The following CDC27 variants were observed in gnomAD, a reference collection of about 807,000 sequenced individuals.
The protein encoded by CDC27 is cell division cycle 27, also known as cell division cycle protein 27 homolog.
In CDC27, 27 loss-of-function variants were observed where a neutral mutation model predicts 109.7. The observed-to-expected ratio is 0.25, with a 90% CI of 0.18 to 0.34. The LOEUF is 0.34. Among genes scored for constraint, CDC27 ranks in the 10% least tolerant of loss-of-function variants. The pLI is 1.00. For synonymous variants in CDC27, 266 were observed against 333.9 expected (o/e 0.80, Z 2.22); for missense variants, 579 against 960.2 (o/e 0.60, Z 5.25).
chr17:47,176,215 G>A (rs2064000038), intron 2 of CDC27, among the ~76,000 whole-genome samples: 1 of 152,012 alleles, frequency 6.6e-6, no homozygotes, highest in Non-Finnish European at 1.5e-5. Flanking sequence ...ACATGCTCAA[G>A]TAATTCTATT....
chr17:47,143,749 G>T (rs1424820337), intron 10 of CDC27, 134 bp downstream of exon 10: 1 of 323,908 alleles, frequency 3.1e-6, no homozygotes, highest in Non-Finnish European at 5.6e-6. Flanking sequence ...ATCATAGATG[G>T]CCCTCTAAAT....
intron 7 of CDC27, 164 bp from the exon 8 acceptor site, chr17:47,154,950 T>A (rs2063257560): frequency 2.3e-6 from 1 of 438,064 alleles, no homozygotes; most frequent in Non-Finnish European, 4.0e-6. Flanking sequence ...TGTAGACTAT[T>A]CCACCCACCA....
chr17:47,140,434 G>C (rs2062760193), intron 12 of CDC27, among the ~76,000 whole-genome samples: 1 of 152,086 alleles, frequency 6.6e-6, no homozygotes, highest in Non-Finnish European at 1.5e-5. Context: ...TTCAGGCATG[G>C]TAACAAGATA....
chr17:47,174,724 G>A (rs1165925250), intron 2 of CDC27, among the ~76,000 whole-genome samples: 3 of 152,192 alleles, frequency 2.0e-5, no homozygotes, highest in African/African-American at 4.8e-5. Flanking sequence ...GGGAGGCCGA[G>A]GCAGGTGGAT....
intron 4 of CDC27, among the ~76,000 whole-genome samples, chr17:47,164,871 T>C (rs1944691798): frequency 6.6e-6 from 1 of 152,138 alleles, no homozygotes; most frequent in Middle Eastern, 3.2e-3. Flanking sequence ...TTATTTGAAT[T>C]TTAGCAGTTT....
chr17:47,122,332 T>C (rs2062005048), intron 18 of CDC27, 112 bp downstream of exon 18: 5 of 684,780 alleles, frequency 7.3e-6, no homozygotes, highest in Non-Finnish European at 9.1e-6. Flanking sequence ...TAAAAGTCCA[T>C]TTGGTATAAT....
chr17:47,121,124 CTAAA>C (rs2061972139), intron 18 of CDC27, 107 bp from the exon 19 acceptor site: 1 of 719,528 alleles, frequency 1.4e-6, no homozygotes. Flanking sequence ...AGATAAAACC[CTAAA>C]TAAAGGCCCT....
rs200176916 is a variant in CDC27, at chr17:47,158,200, A to C, written c.475+6T>G. The stretch of plus-strand genomic sequence containing the variant: ...ACCCACCCACCTCTCAACCCCACCC[A>C]CCTACCTATTTCACATAATGATTCA... On this transcript the variant is annotated splice_donor_region_variant and intron_variant, in intron 5 of 18. Coordinates refer to ENST00000066544, the MANE Select transcript of CDC27 (RefSeq NM_001256.6). The C allele has an allele frequency of 1.4e-6, 2 of 1,413,934 alleles. No homozygotes were observed. 87.6% of individuals were successfully genotyped at this position (1,413,934 alleles called of 1,614,324 possible).
At chr17:47,146,513 C>G (rs1054857849) in intron 9 of CDC27, among the ~76,000 whole-genome samples, 3 of 152,192 alleles carry the variant, frequency 2.0e-5, no homozygotes, top group Non-Finnish European at 2.9e-5. Context: ...CTGGATCTCA[C>G]TCCAAGCTGG....
intron 13 of CDC27, 55 bp downstream of exon 13, chr17:47,138,684 T>C: frequency 8.1e-7 from 1 of 1,233,426 alleles, no homozygotes; most frequent in Non-Finnish European, 1.2e-6. Flanking sequence ...CATCTCTATC[T>C]GTTGAGGGTG....
chr17:47,143,303 T>C (rs1307695286), intron 10 of CDC27, among the ~76,000 whole-genome samples: 1 of 152,238 alleles, frequency 6.6e-6, no homozygotes, highest in Non-Finnish European at 1.5e-5. Context: ...CAAATAATTT[T>C]AGACTCACTC....
At chr17:47,126,967 T>C (rs1190006784) in intron 16 of CDC27, among the ~76,000 whole-genome samples, 1 of 152,082 alleles carries the variant, frequency 6.6e-6, no homozygotes, top group African/African-American at 2.4e-5. Flanking sequence ...CTAATTTTTG[T>C]ATTTTCAGTA....
intron 16 of CDC27, among the ~76,000 whole-genome samples, chr17:47,127,174 A>T (rs1269827688): frequency 2.0e-5 from 3 of 152,276 alleles, no homozygotes; most frequent in South Asian, 2.1e-4. Flanking sequence ...TCCTGGGTAC[A>T]AGGAATTCAG....
At chr17:47,178,220 G>T (rs1225838533) in intron 2 of CDC27, among the ~76,000 whole-genome samples, 2 of 152,016 alleles carry the variant, frequency 1.3e-5, no homozygotes, top group Non-Finnish European at 1.5e-5. Flanking sequence ...AAATATTAGA[G>T]TGTATCATAT....
intron 14 of CDC27, among the ~76,000 whole-genome samples, chr17:47,133,100 AATATAC>A (rs1317563084): frequency 1.3e-4 from 2 of 15,024 alleles, no homozygotes; most frequent in Admixed American, 1.2e-3. Context: ...CACACACACA[AATATAC>A]ATATATATAT....
intron 9 of CDC27, among the ~76,000 whole-genome samples, chr17:47,145,258 C>T (rs543654354): frequency 6.6e-6 from 1 of 152,236 alleles, no homozygotes; most frequent in African/African-American, 2.4e-5. Flanking sequence ...TCAGTGGTCC[C>T]ACTGTGTTGA....
chr17:47,185,733 T>C (rs925926865), intron 1 of CDC27, among the ~76,000 whole-genome samples: 1 of 152,064 alleles, frequency 6.6e-6, no homozygotes, highest in Non-Finnish European at 1.5e-5. Flanking sequence ...ATAAAATAAA[T>C]GGATAATAAA....
At position 47,154,689 on chromosome 17, in the gene CDC27, C is replaced by T. The variant is rs200268612; in HGVS notation, c.940G>A (p.Gly314Arg). The T allele has an allele frequency of 1.9e-6, 3 of 1,584,664 alleles. No individual in the cohort carries two copies. The highest frequency in any genetic ancestry group is 1.7e-5 in the Admixed American group (1 of 59,608). The change falls in exon 8 of 19, where the codon GGA becomes AGA. Residue 314 changes from glycine to arginine, a missense_variant. Gly to Arg is a moderately radical substitution (Grantham distance 125). Coordinates refer to ENST00000066544, the MANE Select transcript of CDC27 (RefSeq NM_001256.6). The stretch of plus-strand genomic sequence containing the variant: ...GAAAATACCTTTTTTGAAGGGGCTC[C>T]GGTGGATGGCACATCAATTACAGGA... ...TPPVIDVPST[G>R]APSKKSVARI...
chr17:47,180,425 G>A (rs2064177963), intron 2 of CDC27, among the ~76,000 whole-genome samples: 3 of 152,006 alleles, frequency 2.0e-5, no homozygotes, highest in African/African-American at 7.3e-5. Context: ...CACTATCTCA[G>A]AGTCAAGGTA....
Sources: gnomAD v4.1 joint callset for allele counts (sites outside exome capture counted in the v4.1 genomes callset) on GRCh38, gnomAD v4.1.1 for gene constraint, MANE v1.5 for transcripts, NCBI Gene and HGNC (gene_info 2026-07-23, HGNC 2026-07-21) for gene names.